Variants in KIAA0825 observed in about 807,000 individuals in gnomAD.
KIAA0825 encodes KIAA0825.
A neutral mutation model predicts 147.6 loss-of-function variants in KIAA0825; 119 were observed. The ratio of observed to expected loss-of-function variants is 0.81; its 90% CI spans 0.69 to 0.94. The LOEUF is 0.94. KIAA0825 is among the 40% of genes least tolerant of loss of function. The pLI is 0.00. For missense variants in KIAA0825, 1,381 were observed against 1,472.7 expected, an observed-to-expected ratio of 0.94 and a Z score of 1.02; for synonymous variants, 470 against 518.1, an observed-to-expected ratio of 0.91 and a Z score of 1.26.
chr5:94,567,979 C>T (rs1193264500), intron 2 of KIAA0825: 1 of 159,394 alleles, frequency 6.3e-6, no homozygotes, highest in East Asian at 1.7e-4. Context: ...TAGGCGCCAC[C>T]ACCACCCTGT....
At position 94,520,714 on chromosome 5, in the gene KIAA0825, A is replaced by G; in HGVS notation, c.504T>C (p.Leu168=). ...GTAATTTGCTCACTAAGAAGCGTCG[A>G]AGATGCAGTCTTATATCATCCCACA... ...KSMWDDIRLH[L]RRFLVSKLQS... Residue 168 remains leucine, a synonymous_variant, in exon 5 of 21, where the codon CTT becomes CTC. Coordinates refer to ENST00000682413, the MANE Select transcript of KIAA0825 (RefSeq NM_001145678.3). The G allele has an allele frequency of 6.2e-7, 1 of 1,613,442 alleles. No individual in the cohort carries two copies. Among genetic ancestry groups the G allele is most frequent in the East Asian group, 2.2e-5 (1 of 44,848 alleles).
At position 94,235,048 on chromosome 5, in the gene KIAA0825, A is replaced by G. The variant is rs547609486; in HGVS notation, c.3711-80924T>C. The stretch of plus-strand genomic sequence containing the variant: ...AGGCAAAAAAAAAAAAAATTGAAAT[A>G]GGCCCATTAATAACCTTACAATTGT... On this transcript the variant is annotated intron_variant, in intron 20 of 20. Coordinates refer to ENST00000682413, the MANE Select transcript of KIAA0825 (RefSeq NM_001145678.3). 3.3e-5 allele frequency among the ~76,000 whole-genome samples: 5 copies of G among 152,172 alleles called. No individual in the cohort carries two copies. In the East Asian group the frequency reaches 9.7e-4, roughly 29 times the overall value.
intron 20 of KIAA0825, among the ~76,000 whole-genome samples, chr5:94,179,878 TA>T (rs1769445245): frequency 6.6e-6 from 1 of 151,888 alleles, no homozygotes; most frequent in South Asian, 2.1e-4. Flanking sequence ...AATAACTGAG[TA>T]AATTGGGGAG....
chr5:94,423,058 G>C (rs1754402506), intron 14 of KIAA0825, among the ~76,000 whole-genome samples: 1 of 152,174 alleles, frequency 6.6e-6, no homozygotes, highest in African/African-American at 2.4e-5. Context: ...TAACTGCAAA[G>C]GGTTGCATTC....
intron 20 of KIAA0825, among the ~76,000 whole-genome samples, chr5:94,330,998 C>T (rs906840386): frequency 6.6e-6 from 1 of 151,758 alleles, no homozygotes. Flanking sequence ...ATTAGCCAGA[C>T]GTGGTGGTGG....
At chr5:94,237,384 A>G (rs1375286176) in intron 20 of KIAA0825, among the ~76,000 whole-genome samples, 1 of 152,184 alleles carries the variant, frequency 6.6e-6, no homozygotes, top group Admixed American at 6.5e-5. Context: ...GGGATGTCAT[A>G]CGTTGCAAAG....
chr5:94,345,781 T>C (rs1379144723), intron 20 of KIAA0825, among the ~76,000 whole-genome samples: 1 of 152,130 alleles, frequency 6.6e-6, no homozygotes, highest in Non-Finnish European at 1.5e-5. Context: ...AAGGGCTTTA[T>C]TCAGCCGGGA....
intron 20 of KIAA0825, among the ~76,000 whole-genome samples, chr5:94,374,100 G>C (rs1747162641): frequency 6.6e-6 from 1 of 152,138 alleles, no homozygotes; most frequent in South Asian, 2.1e-4. Flanking sequence ...AAAAAAGAAT[G>C]TACTCTATAC....
chr5:94,283,873 G>A (rs955710034), intron 20 of KIAA0825, among the ~76,000 whole-genome samples: 4 of 152,018 alleles, frequency 2.6e-5, no homozygotes, highest in Non-Finnish European at 4.4e-5. Flanking sequence ...GCCTAAATTG[G>A]CACCACAGGA....
At chr5:94,545,089 G>A (rs962316818) in intron 2 of KIAA0825, among the ~76,000 whole-genome samples, 4 of 152,122 alleles carry the variant, frequency 2.6e-5, no homozygotes, top group African/African-American at 7.2e-5. Flanking sequence ...ACTGAACTCC[G>A]TGCTGCCCTG....
At chr5:94,616,812 C>T (rs746332525) in intron 1 of KIAA0825, among the ~76,000 whole-genome samples, 3 of 152,188 alleles carry the variant, frequency 2.0e-5, no homozygotes, top group Non-Finnish European at 4.4e-5. Flanking sequence ...CCTTAAGTCC[C>T]TTTTATCCTC....
chr5:94,291,036 C>G (rs1777868914), intron 20 of KIAA0825, among the ~76,000 whole-genome samples: 1 of 152,026 alleles, frequency 6.6e-6, no homozygotes, highest in Non-Finnish European at 1.5e-5. Flanking sequence ...GATATTAGCC[C>G]TTTGTCAGAT....
chr5:94,363,177 T>C (rs1240249154), intron 20 of KIAA0825, among the ~76,000 whole-genome samples: 2 of 148,998 alleles, frequency 1.3e-5, no homozygotes, highest in Non-Finnish European at 3.0e-5. Context: ...CAGTTTTCTT[T>C]TTTTTTTTTT....
At chr5:94,446,645 C>T (rs192967673) in intron 13 of KIAA0825, among the ~76,000 whole-genome samples, 21 of 152,192 alleles carry the variant, frequency 1.4e-4, no homozygotes, top group Admixed American at 7.2e-4. Flanking sequence ...GTATCAGAAG[C>T]GGGTTGAGAA....
intron 5 of KIAA0825, chr5:94,519,694 A>G: frequency 2.7e-6 from 2 of 735,930 alleles, no homozygotes; most frequent in Non-Finnish European, 3.3e-6. Flanking sequence ...GAATTGACTG[A>G]CTAAAATATT....
intron 20 of KIAA0825, among the ~76,000 whole-genome samples, chr5:94,361,104 C>T (rs1744996611): frequency 6.6e-6 from 1 of 152,208 alleles, no homozygotes; most frequent in African/African-American, 2.4e-5. Flanking sequence ...GCGTAGAAAA[C>T]ACTTGCAAAT....
At chr5:94,382,879 T>C (rs1307593944) in intron 20 of KIAA0825, among the ~76,000 whole-genome samples, 2 of 152,250 alleles carry the variant, frequency 1.3e-5, no homozygotes, top group Non-Finnish European at 2.9e-5. Flanking sequence ...ATTTAGTGGA[T>C]TGGAAGCAGC....
intron 12 of KIAA0825, among the ~76,000 whole-genome samples, chr5:94,455,144 A>G (rs1012016681): frequency 1.3e-5 from 2 of 152,180 alleles, no homozygotes; most frequent in Non-Finnish European, 2.9e-5. Context: ...AGTCATCAAC[A>G]TAATGGTATA....
rs115480758 is a variant in KIAA0825 at position 94,552,201 on chromosome 5, C to T, written c.-1-15074G>A. Among the ~76,000 whole-genome samples the T allele has an allele frequency of 9.4e-3, 1,429 of 152,144 alleles. 34 individuals carry two copies. Among genetic ancestry groups the T allele is most frequent in the African/African-American group, 0.033 (1,370 of 41,512 alleles). On this transcript the variant is annotated intron_variant, in intron 2 of 20. Transcript: ENST00000682413. ...TGACATTATACAATAATAAAGGGAT[C>T]GGTTTAGCAAAAGTATATAACAATT...
Sources: gnomAD v4.1 joint callset for allele counts (sites outside exome capture counted in the v4.1 genomes callset) on GRCh38, gnomAD v4.1.1 for gene constraint, MANE v1.5 for transcripts, NCBI Gene and HGNC (gene_info 2026-07-23, HGNC 2026-07-21) for gene names.